The following SNX18 variants were observed in gnomAD, a reference collection of about 807,000 sequenced individuals.
SNX18 encodes the protein sorting nexin-18.
SNX18 carries 35 observed loss-of-function variants against 48.7 expected under a neutral mutation model. That is an observed-to-expected ratio of 0.72 (90% confidence interval 0.55 to 0.95). SNX18 has a LOEUF of 0.95. Ranked by LOEUF, SNX18 falls within the 40% of genes least tolerant of loss-of-function variation. The pLI is 0.00. For synonymous variants in SNX18, 492 were observed against 384.7 expected, an observed-to-expected ratio of 1.28 and a Z score of -3.26; for missense variants, 824 against 871.0, an observed-to-expected ratio of 0.95 and a Z score of 0.68.
At chr5:54,532,561 A>C (rs1235463218) in intron 1 of SNX18, among the ~76,000 whole-genome samples, 1 of 152,132 alleles carries the variant, frequency 6.6e-6, no homozygotes, top group Non-Finnish European at 1.5e-5. Context: ...GAAACAATAC[A>C]TGGTTTTCTT....
downstream of SNX18, among the ~76,000 whole-genome samples, chr5:54,547,433 T>C (rs1762593523): frequency 1.3e-5 from 2 of 152,254 alleles, no homozygotes; most frequent in African/African-American, 2.4e-5. Flanking sequence ...ATTTTTAAAC[T>C]AGATTACACT....
At chr5:54,540,565 T>C (rs1026637469) in intron 1 of SNX18, among the ~76,000 whole-genome samples, 4 of 143,064 alleles carry the variant, frequency 2.8e-5, no homozygotes, top group African/African-American at 7.3e-5. Flanking sequence ...ACATCTGTAA[T>C]TCTATATAAC....
chr5:54,638,498 T>A, the SNX18 span, among the ~76,000 whole-genome samples: 12 of 151,182 alleles, frequency 7.9e-5, no homozygotes, highest in South Asian at 2.5e-3. Context: ...AGATTACATT[T>A]AAAAAAATTT....
intron 1 of SNX18, among the ~76,000 whole-genome samples, chr5:54,530,487 T>C (rs1171178446): frequency 6.6e-6 from 1 of 152,168 alleles, no homozygotes; most frequent in East Asian, 1.9e-4. Context: ...ATATATAACA[T>C]GCTTGTTAGA....
the SNX18 span, among the ~76,000 whole-genome samples, chr5:54,621,121 T>G: frequency 3.9e-4 from 60 of 152,164 alleles, no homozygotes; most frequent in African/African-American, 1.4e-3. Context: ...CATTCTGGTG[T>G]GACTGTTCAT....
the SNX18 span, among the ~76,000 whole-genome samples, chr5:54,612,032 C>T: frequency 6.6e-5 from 10 of 152,216 alleles, no homozygotes; most frequent in African/African-American, 9.6e-5. Context: ...TGTGCTTCAC[C>T]ATGCCTGGCT....
chr5:54,579,221 T>C, the SNX18 span, among the ~76,000 whole-genome samples: 1 of 151,890 alleles, frequency 6.6e-6, no homozygotes, highest in Admixed American at 6.6e-5. Context: ...CACACACCTA[T>C]AGTTATAGCT....
chr5:54,543,234 G>A lies in SNX18; in HGVS notation c.1677G>A (p.Glu559=). ...SRRHVEEGKM[E]VQKADGIQDR... ...GACACGTGGAGGAAGGGAAGATGGA[G>A]GTGCAGAAGGCTGACGGCATTCAGG... The change falls in exon 2 of 2, where the codon GAG becomes GAA. Residue 559 remains glutamate (E), a synonymous_variant. Transcript: ENST00000381410. The A allele has an allele frequency of 1.2e-6, 2 of 1,614,082 alleles. No homozygotes were observed. The highest frequency in any genetic ancestry group is 1.6e-4 in the Middle Eastern group (1 of 6,062).
the SNX18 span, among the ~76,000 whole-genome samples, chr5:54,576,291 A>T: frequency 1.3e-5 from 2 of 152,198 alleles, no homozygotes; most frequent in East Asian, 3.9e-4. Flanking sequence ...CTTTTATGCC[A>T]CTAAGTTTTG....
At chr5:54,569,395 C>A in the SNX18 span, among the ~76,000 whole-genome samples, 6 of 152,246 alleles carry the variant, frequency 3.9e-5, no homozygotes, top group Non-Finnish European at 7.3e-5. Context: ...CACACAAAAC[C>A]AACCTAAAAT....
chr5:54,534,680 G>GTT (rs71600840), intron 1 of SNX18, among the ~76,000 whole-genome samples: 87 of 146,396 alleles, frequency 5.9e-4, no homozygotes, highest in African/African-American at 1.7e-3. Flanking sequence ...TTTTTGTTTT[G>GTT]TTTTTTTTTT....
the SNX18 span, among the ~76,000 whole-genome samples, chr5:54,590,707 A>AAAG: frequency 6.6e-6 from 1 of 152,194 alleles, no homozygotes; most frequent in African/African-American, 2.4e-5. Flanking sequence ...TTTTTGAAAA[A>AAAG]AAGTATGATG....
the SNX18 span, among the ~76,000 whole-genome samples, chr5:54,636,980 T>C: frequency 6.6e-6 from 1 of 152,188 alleles, no homozygotes; most frequent in Non-Finnish European, 1.5e-5. Flanking sequence ...TCATCAAATA[T>C]GTTATTTTTT....
chr5:54,535,105 A>T (rs911995120), intron 1 of SNX18, among the ~76,000 whole-genome samples: 1 of 152,164 alleles, frequency 6.6e-6, no homozygotes, highest in Non-Finnish European at 1.5e-5. Context: ...TCATTGTTTT[A>T]TATTCATTGC....
At chr5:54,638,410 C>T in the SNX18 span, among the ~76,000 whole-genome samples, 1 of 152,128 alleles carries the variant, frequency 6.6e-6, no homozygotes, top group South Asian at 2.1e-4. Flanking sequence ...TTCTTGGATC[C>T]TTAGTTTTTG....
the SNX18 span, among the ~76,000 whole-genome samples, chr5:54,563,549 G>A: frequency 9.2e-5 from 14 of 152,208 alleles, no homozygotes; most frequent in Non-Finnish European, 1.5e-5. Flanking sequence ...GTAAGTGCAC[G>A]CTGTGATGGT....
At chr5:54,610,038 C>T in the SNX18 span, among the ~76,000 whole-genome samples, 2 of 152,122 alleles carry the variant, frequency 1.3e-5, no homozygotes, top group South Asian at 2.1e-4. Flanking sequence ...GCTTTCCCTT[C>T]GCCTTCCTCC....
At chr5:54,628,130 AG>A in the SNX18 span, among the ~76,000 whole-genome samples, 1 of 152,168 alleles carries the variant, frequency 6.6e-6, no homozygotes, top group Non-Finnish European at 1.5e-5. Context: ...CTTCCACTTG[AG>A]GCCCAGGATG....
chr5:54,601,015 C>T, the SNX18 span, among the ~76,000 whole-genome samples: 20 of 152,300 alleles, frequency 1.3e-4, no homozygotes, highest in East Asian at 2.7e-3. Context: ...AAAAGATGAA[C>T]TATGGAAACT....
Sources: allele counts gnomAD v4.1 joint callset (sites outside exome capture counted in the v4.1 genomes callset), GRCh38; gene constraint gnomAD v4.1.1; transcripts MANE v1.5; gene names NCBI Gene and HGNC (gene_info 2026-07-23, HGNC 2026-07-21).